Variants in SCHIP1 observed in about 807,000 individuals in gnomAD.
SCHIP1 encodes schwannomin interacting protein 1, also known as schwannomin-interacting protein 1.
Under a neutral mutation model 29.7 loss-of-function variants are expected in SCHIP1, and 8 were observed. The observed-to-expected ratio is 0.27, with a 90% CI of 0.16 to 0.49. SCHIP1 has a LOEUF of 0.49. Among genes scored for constraint, SCHIP1 ranks in the 20% least tolerant of loss-of-function variants. SCHIP1 has a pLI of 0.99. For missense variants in SCHIP1, 193 were observed against 294.6 expected, an observed-to-expected ratio of 0.66 and a Z score of 2.52; for synonymous variants, 76 against 94.9, an observed-to-expected ratio of 0.80 and a Z score of 1.16.
the SCHIP1 span, among the ~76,000 whole-genome samples, chr3:159,569,168 TG>T: frequency 6.6e-6 from 1 of 152,118 alleles, no homozygotes; most frequent in African/African-American, 2.4e-5. Context: ...ATCCAATTAC[TG>T]GTTTTTTTTT....
At chr3:159,405,310 G>A in the SCHIP1 span, among the ~76,000 whole-genome samples, 2 of 152,272 alleles carry the variant, frequency 1.3e-5, no homozygotes, top group Admixed American at 1.3e-4. Context: ...AGGTACCAGG[G>A]ACCAATCCTG....
the SCHIP1 span, among the ~76,000 whole-genome samples, chr3:159,793,346 T>C: frequency 6.6e-6 from 1 of 152,204 alleles, no homozygotes; most frequent in Non-Finnish European, 1.5e-5. Context: ...CCAATCTTTG[T>C]GCTTGGTTCT....
the SCHIP1 span, among the ~76,000 whole-genome samples, chr3:159,359,265 C>T: frequency 1.3e-5 from 2 of 151,992 alleles, no homozygotes; most frequent in Non-Finnish European, 1.5e-5. Context: ...AAGAAAAATA[C>T]AATTATATGC....
the SCHIP1 span, among the ~76,000 whole-genome samples, chr3:159,432,370 G>C: frequency 1.3e-5 from 2 of 149,872 alleles, no homozygotes; most frequent in African/African-American, 4.9e-5. Context: ...GAGGGAGAGA[G>C]AGAGAGATCT....
rs928410196 is a variant in SCHIP1, at chr3:159,892,261, A to G, written c.683+71A>G. The G allele has an allele frequency of 1.9e-6, 3 of 1,570,414 alleles. No individual in the cohort carries two copies. In the African/African-American group the frequency reaches 4.1e-5, roughly 21 times the overall value. ...TCTGAAATCTAAGAATTAGGCAAAAACTAGCTCAAGAGAACTTCTTCCTCT... is the reference window on the plus strand; with the variant it reads ...TCTGAAATCTAAGAATTAGGCAAAAGCTAGCTCAAGAGAACTTCTTCCTCT... On this transcript the variant is annotated intron_variant, in intron 6 of 6. Coordinates refer to ENST00000445224, the Ensembl canonical transcript of SCHIP1.
the SCHIP1 span, among the ~76,000 whole-genome samples, chr3:159,519,947 G>A: frequency 2.6e-5 from 4 of 151,758 alleles, no homozygotes; most frequent in South Asian, 2.1e-4. Context: ...ACGTATAGTC[G>A]TACAACTGGG....
chr3:159,472,670 A>G, the SCHIP1 span, among the ~76,000 whole-genome samples: 1 of 152,304 alleles, frequency 6.6e-6, no homozygotes, highest in East Asian at 1.9e-4. Flanking sequence ...GCGGAGGGAT[A>G]AAAAGTATGA....
the SCHIP1 span, among the ~76,000 whole-genome samples, chr3:159,394,213 G>GATAA: frequency 1.3e-5 from 2 of 150,218 alleles, no homozygotes; most frequent in African/African-American, 4.9e-5. Flanking sequence ...GGAGATTTTG[G>GATAA]GCTGAGACAA....
intron 5 of SCHIP1, among the ~76,000 whole-genome samples, chr3:159,890,094 C>CA (rs796442726): frequency 1.9e-3 from 203 of 109,392 alleles, no homozygotes; most frequent in South Asian, 3.5e-3. Context: ...GACACCATCT[C>CA]AAAAAAAAAA....
At chr3:159,400,319 T>C in the SCHIP1 span, among the ~76,000 whole-genome samples, 1 of 152,224 alleles carries the variant, frequency 6.6e-6, no homozygotes, top group African/African-American at 2.4e-5. Context: ...TCACCTATGA[T>C]AATTGGTTGA....
the SCHIP1 span, among the ~76,000 whole-genome samples, chr3:159,411,031 A>G: frequency 6.6e-6 from 1 of 152,160 alleles, no homozygotes; most frequent in African/African-American, 2.4e-5. Context: ...GCACTGAAAT[A>G]CAAACTTTGC....
At chr3:159,340,359 A>C in the SCHIP1 span, among the ~76,000 whole-genome samples, 1 of 149,298 alleles carries the variant, frequency 6.7e-6, no homozygotes, top group African/African-American at 2.6e-5. Flanking sequence ...AAATAATTTT[A>C]TCTCTAATAA....
chr3:159,405,431 A>C, the SCHIP1 span, among the ~76,000 whole-genome samples: 111 of 152,366 alleles, frequency 7.3e-4, no homozygotes, highest in African/African-American at 2.4e-3. Flanking sequence ...TCTATCACAT[A>C]AATGTAACAA....
At chr3:159,482,225 A>T in the SCHIP1 span, among the ~76,000 whole-genome samples, 1 of 152,306 alleles carries the variant, frequency 6.6e-6, no homozygotes, top group African/African-American at 2.4e-5. Context: ...CTCCAATGCT[A>T]AGTGTGCTTC....
intron 1 of SCHIP1, among the ~76,000 whole-genome samples, chr3:159,843,466 G>A (rs879556043): frequency 6.6e-6 from 1 of 152,084 alleles, no homozygotes; most frequent in East Asian, 1.9e-4. Context: ...TCAGTGCTTA[G>A]AATAGGTCCT....
At chr3:159,839,062 C>G (rs934503123), upstream of SCHIP1, among the ~76,000 whole-genome samples, 1 of 151,726 alleles carries the variant, frequency 6.6e-6, no homozygotes, top group Non-Finnish European at 1.5e-5. Flanking sequence ...TTTTGTGTAT[C>G]CTCAAGTCCT....
chr3:159,839,918 C>T (rs1489300721), exon 1 of SCHIP1: 1 of 1,402,766 alleles, frequency 7.1e-7, no homozygotes, highest in Non-Finnish European at 9.2e-7. Flanking sequence ...CGCCCCCTCC[C>T]CCAGCCCGGT....
At chr3:159,609,258 G>T in the SCHIP1 span, among the ~76,000 whole-genome samples, 1 of 152,116 alleles carries the variant, frequency 6.6e-6, no homozygotes, top group South Asian at 2.1e-4. Context: ...GTGGGTAGGG[G>T]GGAAGCACAC....
intron 2 of SCHIP1, among the ~76,000 whole-genome samples, chr3:159,868,506 T>G (rs1714901195): frequency 1.3e-5 from 2 of 152,154 alleles, no homozygotes; most frequent in South Asian, 4.1e-4. Context: ...TATGCATTAT[T>G]CATCGCTTCT....
Sources: allele counts gnomAD v4.1 joint callset (sites outside exome capture counted in the v4.1 genomes callset), GRCh38; gene constraint gnomAD v4.1.1; transcripts MANE v1.5; gene names NCBI Gene and HGNC (gene_info 2026-07-23, HGNC 2026-07-21).